Variants in NRG3 observed in about 807,000 individuals in gnomAD.
The protein encoded by NRG3 is pro-neuregulin-3, membrane-bound isoform.
A neutral mutation model predicts 66.9 loss-of-function variants in NRG3; 31 were observed. The observed-to-expected ratio is 0.46, with a 90% CI of 0.35 to 0.63. The LOEUF is 0.63. Ranked by LOEUF, NRG3 falls within the 20% of genes least tolerant of loss-of-function variation. The probability of loss-of-function intolerance (pLI) is 0.00; values close to 1 mark genes in which losing one functional copy is unlikely to be tolerated. For missense variants in NRG3, 910 were observed against 878.9 expected, an observed-to-expected ratio of 1.04 and a Z score of -0.45; for synonymous variants, 393 against 359.4, an observed-to-expected ratio of 1.09 and a Z score of -1.06.
rs372384821 is a variant in NRG3 at position 82,734,175 on chromosome 10, A to G, written c.954-4402A>G. 2.4e-4 allele frequency among the ~76,000 whole-genome samples: 37 copies of G among 152,260 alleles called. 1 individual carries two copies. Among genetic ancestry groups the G allele is most frequent in the East Asian group, 1.9e-3 (10 of 5,178 alleles). Reference sequence around the variant, plus strand: ...GTACTGTTCGCTTTTCTCTGGCTCAATTGTTGCCTTTTAAAACTCTTTACT... The same window carrying G: ...GTACTGTTCGCTTTTCTCTGGCTCAGTTGTTGCCTTTTAAAACTCTTTACT... On this transcript the variant is annotated intron_variant, in intron 2 of 8. Transcript: ENST00000372141.
chr10:82,208,612 T>C (rs1178751824), intron 1 of NRG3, among the ~76,000 whole-genome samples: 1 of 151,130 alleles, frequency 6.6e-6, no homozygotes, highest in African/African-American at 2.4e-5. Context: ...AGAGTAAATA[T>C]CAGCAATAGT....
intron 1 of NRG3, among the ~76,000 whole-genome samples, chr10:82,074,212 T>A (rs1202832175): frequency 6.6e-6 from 1 of 151,966 alleles, no homozygotes; most frequent in East Asian, 1.9e-4. Context: ...TGGGGTGGGG[T>A]GTTCCACGTG....
chr10:82,534,791 G>A (rs938954755), intron 2 of NRG3, among the ~76,000 whole-genome samples: 32 of 152,076 alleles, frequency 2.1e-4, no homozygotes, highest in African/African-American at 7.2e-4. Context: ...ACTGATCTGG[G>A]ACAAGAATGC....
intron 1 of NRG3, among the ~76,000 whole-genome samples, chr10:82,299,561 T>C (rs1031666460): frequency 4.0e-5 from 6 of 150,930 alleles, no homozygotes; most frequent in Non-Finnish European, 8.8e-5. Context: ...TTTTTTTTTT[T>C]ATTGTTGTTG....
At chr10:82,609,243 T>C (rs2048155751) in intron 2 of NRG3, among the ~76,000 whole-genome samples, 1 of 152,214 alleles carries the variant, frequency 6.6e-6, no homozygotes, top group African/African-American at 2.4e-5. Context: ...CTTTTGTTTG[T>C]AATAATTTTG....
Position 82,935,251 on chromosome 10 carries a change from G to A in NRG3, c.1055-16218G>A, listed in dbSNP as rs1052239283. Among the ~76,000 whole-genome samples, 5 of 152,276 alleles carry A rather than the reference G, an allele frequency of 3.3e-5. No individual in the cohort carries two copies. In the East Asian group the frequency reaches 9.6e-4, roughly 29 times the overall value. ...CAAATATCAGAATGGGGAAGAACGA[G>A]ATCGTCTCTAGAACTCCTAGTTACT... On this transcript the variant is annotated intron_variant, in intron 4 of 8. Coordinates refer to ENST00000372141, the MANE Select transcript of NRG3 (RefSeq NM_001010848.4).
At chr10:82,235,088 T>A (rs1339779297) in intron 1 of NRG3, among the ~76,000 whole-genome samples, 1 of 152,240 alleles carries the variant, frequency 6.6e-6, no homozygotes, top group African/African-American at 2.4e-5. Context: ...GATCATTCTA[T>A]TAAATTTGGG....
intron 3 of NRG3, among the ~76,000 whole-genome samples, chr10:82,784,533 A>G (rs1399113215): frequency 6.6e-6 from 1 of 152,236 alleles, no homozygotes; most frequent in African/African-American, 2.4e-5. Context: ...CCCCATCAAA[A>G]AGTGGGCAAA....
At chr10:82,475,878 A>C (rs1841729134) in intron 2 of NRG3, among the ~76,000 whole-genome samples, 1 of 152,214 alleles carries the variant, frequency 6.6e-6, no homozygotes, top group African/African-American at 2.4e-5. Context: ...GCATTAAAGA[A>C]TGTTATCAAT....
intron 3 of NRG3, among the ~76,000 whole-genome samples, chr10:82,741,689 A>G (rs1448621413): frequency 6.6e-6 from 1 of 152,146 alleles, no homozygotes; most frequent in Admixed American, 6.5e-5. Context: ...AAACTTGCTC[A>G]AGGTCATACA....
At chr10:82,078,794 T>G (rs1186630779) in intron 1 of NRG3, among the ~76,000 whole-genome samples, 5 of 152,194 alleles carry the variant, frequency 3.3e-5, no homozygotes, top group Non-Finnish European at 7.3e-5. Flanking sequence ...TCTAATGGTG[T>G]GGGGCTCATA....
intron 3 of NRG3, among the ~76,000 whole-genome samples, chr10:82,854,570 A>T (rs2063716176): frequency 6.6e-6 from 1 of 152,228 alleles, no homozygotes; most frequent in African/African-American, 2.4e-5. Context: ...ACCATTGTGT[A>T]AAACAAAATA....
At chr10:82,455,963 A>G (rs1037429342) in intron 2 of NRG3, among the ~76,000 whole-genome samples, 1 of 152,110 alleles carries the variant, frequency 6.6e-6, no homozygotes, top group Admixed American at 6.6e-5. Flanking sequence ...TTCAATAATA[A>G]ATTAACCTTA....
intron 4 of NRG3, among the ~76,000 whole-genome samples, chr10:82,877,424 G>A (rs2136031494): frequency 6.9e-6 from 1 of 145,110 alleles, no homozygotes; most frequent in Non-Finnish European, 1.5e-5. Flanking sequence ...TTGTTGCCCA[G>A]GCTGGAGTGC....
At chr10:82,396,367 T>C (rs1378921919) in intron 2 of NRG3, among the ~76,000 whole-genome samples, 1 of 152,210 alleles carries the variant, frequency 6.6e-6, no homozygotes, top group African/African-American at 2.4e-5. Flanking sequence ...CACCTAGTGC[T>C]CCTATAATTT....
At chr10:82,469,015 C>T (rs1455570875) in intron 2 of NRG3, among the ~76,000 whole-genome samples, 1 of 152,196 alleles carries the variant, frequency 6.6e-6, no homozygotes, top group Non-Finnish European at 1.5e-5. Flanking sequence ...AGCTCCCAGT[C>T]AGCTAGGTTT....
At chr10:82,590,165 C>A (rs2046898695) in intron 2 of NRG3, among the ~76,000 whole-genome samples, 1 of 152,158 alleles carries the variant, frequency 6.6e-6, no homozygotes, top group South Asian at 2.1e-4. Context: ...GGAAACCCAA[C>A]CTCCAATGGG....
chr10:82,686,440 A>G (rs2054520574), intron 2 of NRG3, among the ~76,000 whole-genome samples: 1 of 152,062 alleles, frequency 6.6e-6, no homozygotes, highest in African/African-American at 2.4e-5. Context: ...CACCCACCTC[A>G]GCCCCCCAAA....
chr10:82,802,824 C>T (rs998815701), intron 3 of NRG3, among the ~76,000 whole-genome samples: 4 of 151,846 alleles, frequency 2.6e-5, no homozygotes, highest in African/African-American at 4.8e-5. Flanking sequence ...AGCTAATTTT[C>T]GGTTTTTGAT....
Sources: allele counts gnomAD v4.1 joint callset (sites outside exome capture counted in the v4.1 genomes callset), GRCh38; gene constraint gnomAD v4.1.1; transcripts MANE v1.5; gene names NCBI Gene and HGNC (gene_info 2026-07-23, HGNC 2026-07-21).